DLGAP1: variants seen among roughly 807,000 people sequenced by gnomAD.
DLGAP1 encodes the protein DLG associated protein 1, also known as disks large-associated protein 1.
In DLGAP1, 11 loss-of-function variants were observed where a neutral mutation model predicts 90.8. The observed-to-expected ratio is 0.12, with a 90% confidence interval of 0.08 to 0.20. The LOEUF (loss-of-function observed/expected upper bound fraction) is 0.20, where lower values mean the gene tolerates loss of function less well. Ranked by LOEUF, DLGAP1 falls within the 10% of genes least tolerant of loss-of-function variation. DLGAP1 has a pLI of 1.00. For missense variants in DLGAP1, 1,050 were observed against 1,333.8 expected (o/e 0.79, Z 3.31); for synonymous variants, 558 against 540.7 (o/e 1.03, Z -0.44).
At chr18:4,209,134 T>C (rs746165344) in intron 1 of DLGAP1, among the ~76,000 whole-genome samples, 8 of 152,068 alleles carry the variant, frequency 5.3e-5, no homozygotes, top group South Asian at 4.1e-4. Context: ...GTGGGAATAA[T>C]GTAGCTTCTA....
At chr18:4,374,841 T>C (rs765503926) in intron 1 of DLGAP1, among the ~76,000 whole-genome samples, 24 of 152,108 alleles carry the variant, frequency 1.6e-4, no homozygotes, top group Non-Finnish European at 3.2e-4. Flanking sequence ...AAAAAAATAC[T>C]GTCCTAATGA....
At chr18:4,025,297 C>T (rs2041441452) in intron 2 of DLGAP1, among the ~76,000 whole-genome samples, 1 of 148,522 alleles carries the variant, frequency 6.7e-6, no homozygotes, top group Non-Finnish European at 1.5e-5. Context: ...ATCCAAAAAT[C>T]TGAAATCCAA....
chr18:3,807,152 C>G (rs893713759), intron 5 of DLGAP1, among the ~76,000 whole-genome samples: 1 of 152,162 alleles, frequency 6.6e-6, no homozygotes, highest in African/African-American at 2.4e-5. Context: ...TTTACACTTG[C>G]GACTCAGAAC....
intron 2 of DLGAP1, among the ~76,000 whole-genome samples, chr18:4,109,161 A>C (rs1413369330): frequency 8.4e-6 from 1 of 118,616 alleles, no homozygotes; most frequent in Non-Finnish European, 1.8e-5. Flanking sequence ...TGCCATCCGC[A>C]ACTGGCACTC....
intron 3 of DLGAP1, among the ~76,000 whole-genome samples, chr18:3,958,843 A>G (rs9948573): frequency 0.21 from 32,065 of 152,072 alleles, 3,422 homozygotes; most frequent in Admixed American, 0.24. Context: ...GTGGTGCCAG[A>G]TTTTTCCCAA....
intron 1 of DLGAP1, among the ~76,000 whole-genome samples, chr18:4,452,875 T>C (rs1403542149): frequency 6.6e-6 from 1 of 152,190 alleles, no homozygotes; most frequent in Non-Finnish European, 1.5e-5. Context: ...GAAAATTATT[T>C]TGACATATTT....
At chr18:4,171,606 G>A (rs1178445415) in intron 1 of DLGAP1, among the ~76,000 whole-genome samples, 1 of 151,516 alleles carries the variant, frequency 6.6e-6, no homozygotes, top group Non-Finnish European at 1.5e-5. Flanking sequence ...TTTAGGAGGC[G>A]AATTATTGAG....
chr18:3,587,922 G>A (rs780228772), intron 7 of DLGAP1, among the ~76,000 whole-genome samples: 1 of 152,204 alleles, frequency 6.6e-6, no homozygotes, highest in Non-Finnish European at 1.5e-5. Flanking sequence ...TTTTTAAAAT[G>A]TAAGTGGAAC....
intron 7 of DLGAP1, among the ~76,000 whole-genome samples, chr18:3,652,555 T>A (rs1411633049): frequency 6.6e-6 from 1 of 152,188 alleles, no homozygotes; most frequent in African/African-American, 2.4e-5. Context: ...ACGGCCGTCT[T>A]GAACTTTGAA....
intron 4 of DLGAP1, among the ~76,000 whole-genome samples, chr18:3,850,715 C>T (rs1237051739): frequency 6.6e-6 from 1 of 152,116 alleles, no homozygotes; most frequent in South Asian, 2.1e-4. Flanking sequence ...CAGCATCATC[C>T]TAGAACAGGC....
intron 6 of DLGAP1, among the ~76,000 whole-genome samples, chr18:3,739,655 T>C (rs1488340702): frequency 3.3e-5 from 5 of 149,542 alleles, no homozygotes; most frequent in Non-Finnish European, 7.4e-5. Context: ...AGGGATACCA[T>C]TGGGAGATAT....
intron 2 of DLGAP1, among the ~76,000 whole-genome samples, chr18:4,118,150 A>G (rs1361104224): frequency 1.3e-5 from 2 of 151,822 alleles, no homozygotes; most frequent in African/African-American, 4.8e-5. Context: ...CTCTCCAACA[A>G]GATGCTCATT....
Position 3,879,499 on chromosome 18 carries a change from C to T in DLGAP1, c.570G>A (p.Glu190=), listed in dbSNP as rs775665732. Residue 190 remains glutamate (E), a synonymous_variant, in exon 4 of 13, where the codon GAG becomes GAA. Coordinates refer to ENST00000315677, the MANE Select transcript of DLGAP1 (RefSeq NM_004746.4). The surrounding 1 kb of genome is among the most constrained non-coding windows in gnomAD (Gnocchi z 6.6). ...KRSKSKERRA[E]PKARPSTSPG... ...GGGAGGTGCTGGGCCGGGCCTTGGG[C>T]TCCGCGCGCCGCTCCTTGCTCTTGC... 4.4e-6 allele frequency: 7 copies of T among 1,603,538 alleles called. No homozygotes were observed. In the Admixed American group the frequency reaches 1.0e-4, roughly 23 times the overall value.
intron 1 of DLGAP1, among the ~76,000 whole-genome samples, chr18:4,263,896 C>G (rs1385535869): frequency 6.6e-6 from 1 of 152,110 alleles, no homozygotes; most frequent in Admixed American, 6.5e-5. Flanking sequence ...ATGAATGACT[C>G]CCTACTCATT....
At chr18:4,334,839 T>C (rs16946519) in intron 1 of DLGAP1, among the ~76,000 whole-genome samples, 8,653 of 151,976 alleles carry the variant, frequency 0.057, 340 homozygotes, top group Non-Finnish European at 0.07. Flanking sequence ...ATTTAAATTA[T>C]GGAAATCATG....
intron 3 of DLGAP1, among the ~76,000 whole-genome samples, chr18:3,965,557 C>T (rs554361297): frequency 1.3e-5 from 2 of 152,236 alleles, no homozygotes; most frequent in Admixed American, 1.3e-4. Context: ...AAAGAGGCAT[C>T]AATATAGTGT....
chr18:3,727,343 G>A lies in DLGAP1; in HGVS notation c.1591+1792C>T, dbSNP rs989441719. 7.2e-5 allele frequency among the ~76,000 whole-genome samples: 11 copies of A among 152,080 alleles called. No individual in the cohort carries two copies. The highest frequency in any genetic ancestry group is 2.7e-4 in the African/African-American group (11 of 41,408). On this transcript the variant is annotated intron_variant, in intron 7 of 12. Coordinates refer to ENST00000315677, the MANE Select transcript of DLGAP1 (RefSeq NM_004746.4). This position sits in a 1 kb window ranked among gnomAD's most constrained non-coding sequence, Gnocchi z 4.7. The stretch of plus-strand genomic sequence containing the variant: ...AGTGTAAGTAAAATGACAAAAACAC[G>A]CAAATCTGACAGGTGAGAAGAGAAA...
At chr18:3,545,641 G>A (rs1165198055) in intron 9 of DLGAP1, among the ~76,000 whole-genome samples, 2 of 152,152 alleles carry the variant, frequency 1.3e-5, no homozygotes, top group Admixed American at 6.5e-5. Flanking sequence ...CAGATCACTT[G>A]AGGCCAGGAG....
At chr18:4,078,843 A>C (rs953615705) in intron 2 of DLGAP1, among the ~76,000 whole-genome samples, 1 of 152,188 alleles carries the variant, frequency 6.6e-6, no homozygotes, top group African/African-American at 2.4e-5. Context: ...ATGGTTTGCC[A>C]ATCTCAGGCT....
Sources: allele counts gnomAD v4.1 joint callset (sites outside exome capture counted in the v4.1 genomes callset), GRCh38; gene constraint gnomAD v4.1.1; non-coding constraint Gnocchi (gnomAD v3.1); transcripts MANE v1.5; gene names NCBI Gene and HGNC (gene_info 2026-07-23, HGNC 2026-07-21).